Variants in SH2D6 observed in about 807,000 individuals in gnomAD.
The protein encoded by SH2D6 is SH2 domain containing 6.
In SH2D6, 31 loss-of-function variants were observed where a neutral mutation model predicts 30.2. The ratio of observed to expected loss-of-function variants is 1.03; its 90% confidence interval spans 0.77 to 1.38. SH2D6 has a LOEUF of 1.38. SH2D6 is among the 40% of genes most tolerant of loss of function. SH2D6 has a pLI of 0.00. For synonymous variants in SH2D6, 93 were observed against 104.6 expected, an observed-to-expected ratio of 0.89 and a Z score of 0.68; for missense variants, 240 against 266.8, an observed-to-expected ratio of 0.90 and a Z score of 0.70.
intron 2 of SH2D6, among the ~76,000 whole-genome samples, chr2:85,419,706 C>A (rs1179198963): frequency 6.6e-6 from 1 of 152,186 alleles, no homozygotes; most frequent in Non-Finnish European, 1.5e-5. Flanking sequence ...GAGGAAAATA[C>A]CTAGTCAATG....
intron 16 of SH2D6, 72 bp downstream of exon 16, chr2:85,433,703 C>T: frequency 1.9e-6 from 2 of 1,063,448 alleles, no homozygotes; most frequent in Non-Finnish European, 2.4e-6. Flanking sequence ...ACACACTCTC[C>T]TGGCTCCATC....
In SH2D6 at chr2:85,419,077, G is replaced by T. The variant is rs904555429; in HGVS notation, c.-744G>T. 6.6e-6 allele frequency: 1 copy of T among 152,462 alleles called. No individual in the cohort carries two copies. Among genetic ancestry groups the T allele is most frequent in the African/African-American group, 2.4e-5 (1 of 41,470 alleles). 9.4% of individuals were successfully genotyped at this position (152,462 alleles called of 1,614,324 possible). On this transcript the variant is annotated 5_prime_UTR_variant, in exon 2 of 24. Coordinates refer to ENST00000469800, the MANE Select transcript of SH2D6 (RefSeq NM_001394463.1). ...AGGAGCAGCCCAGACCCTGAGACTG[G>T]ACTAGGTCTGTTAGGGTCCCTGTGT...
chr2:85,435,363 G>A, intron 20 of SH2D6, 50 bp from the exon 21 acceptor site: 1 of 1,593,236 alleles, frequency 6.3e-7, no homozygotes. Flanking sequence ...GGCTCCGCAT[G>A]CCTGATTGAG....
Position 85,434,338 on chromosome 2 carries a change from A to C in SH2D6, c.534-2A>C. Reference sequence around the variant, plus strand: ...TTCTGTCCCCCGATTTGCTTCCCACAGGCCTACCACAGCCCCCCAGGAAAC... The same window carrying C: ...TTCTGTCCCCCGATTTGCTTCCCACCGGCCTACCACAGCCCCCCAGGAAAC... On this transcript the variant is annotated splice_acceptor_variant, in intron 17 of 23. Transcript: ENST00000469800. LOFTEE classifies it high-confidence loss of function. The C allele has an allele frequency of 6.5e-7, 1 of 1,546,048 alleles. No homozygotes were observed. The highest frequency in any genetic ancestry group is 8.7e-7 in the Non-Finnish European group (1 of 1,143,662).
rs775578573 is a variant in SH2D6 at position 85,435,649 on chromosome 2, T to C, written c.733-17T>C. 2 of 1,588,090 alleles carry C rather than the reference T, an allele frequency of 1.3e-6. No individual in the cohort carries two copies. Among genetic ancestry groups the C allele is most frequent in the African/African-American group, 1.3e-5 (1 of 74,444 alleles). ...GCCATTGGAAGATGAGGTTGATGGC[T>C]GGGGTCTCCTCCACAGGATGGGGCC... On this transcript the variant is annotated splice_polypyrimidine_tract_variant and intron_variant, in intron 21 of 23. Coordinates refer to ENST00000469800, the MANE Select transcript of SH2D6 (RefSeq NM_001394463.1).
At chr2:85,432,178 G>A (rs1688747433) in intron 14 of SH2D6, among the ~76,000 whole-genome samples, 1 of 151,128 alleles carries the variant, frequency 6.6e-6, no homozygotes, top group Non-Finnish European at 1.5e-5. Flanking sequence ...CCAGAGATAT[G>A]AAATATTGTG....
chr2:85,433,046 T>G, intron 14 of SH2D6, 53 bp from the exon 15 acceptor site: 1 of 985,888 alleles, frequency 1.0e-6, no homozygotes, highest in Non-Finnish European at 1.2e-6. Context: ...CCCGCTGAAT[T>G]CCTTTCTGCT....
chr2:85,436,398 G>A, intron 22 of SH2D6, 68 bp from the exon 23 acceptor site: 1 of 1,189,524 alleles, frequency 8.4e-7, no homozygotes, highest in Non-Finnish European at 1.3e-6. Flanking sequence ...GAGTCCCACA[G>A]TTGCCTCAGG....
In SH2D6 at chr2:85,433,743, C is replaced by G. The variant is rs954532165; in HGVS notation, c.454+112C>G. 41 of 817,652 alleles carry G rather than the reference C, an allele frequency of 5.0e-5. 1 individual carries two copies. The South Asian group carries it at 8.3e-4, about 17-fold the overall frequency. The allele number at this position is 817,652 out of a possible 1,614,324, so 50.6% of individuals were successfully genotyped here. ...TCCCTTGCTGCCTCTCACCACCCCC[C>G]ACCAACACGCATTTGCCTTCAGTCA... On this transcript the variant is annotated intron_variant, in intron 16 of 23. Coordinates refer to ENST00000469800, the MANE Select transcript of SH2D6 (RefSeq NM_001394463.1).
In SH2D6 at chr2:85,427,134, C is replaced by T. The variant is rs147340775; in HGVS notation, c.-208-1450C>T. ...TGTGTTTTCTGAGGGTGGATTAAGA[C>T]TACCTTGGGCCCATGGCCTGTTCTC... On this transcript the variant is annotated intron_variant, in intron 6 of 23. Transcript: ENST00000469800. 1.7e-3 allele frequency among the ~76,000 whole-genome samples: 255 copies of T among 152,322 alleles called. 1 individual carries two copies. The highest frequency in any genetic ancestry group is 2.8e-3 in the Non-Finnish European group (189 of 68,036).
In SH2D6 at chr2:85,435,505, C is replaced by T. The variant is rs1375312841; in HGVS notation, c.732+9C>T. Reference sequence around the variant, plus strand: ...TGCTCCACTTACAAAAGGTGGGCAGCCACGGACCCCGGGTCTTCTCCAAAA... The same window carrying T: ...TGCTCCACTTACAAAAGGTGGGCAGTCACGGACCCCGGGTCTTCTCCAAAA... On this transcript the variant is annotated intron_variant, in intron 21 of 23. Transcript: ENST00000469800. 11 of 1,612,350 alleles carry T rather than the reference C, an allele frequency of 6.8e-6. No individual in the cohort carries two copies. The highest frequency in any genetic ancestry group is 8.5e-6 in the Non-Finnish European group (10 of 1,179,350).
In SH2D6 at chr2:85,434,505, A is replaced by C. The variant is rs1436181576; in HGVS notation, c.589+8A>C. ...CAGATGCTGCCTCTAAAGGTGAGTA[A>C]AGGCTGGTCCAAAGGTAGTGAGTTA... On this transcript the variant is annotated splice_region_variant and intron_variant, in intron 19 of 23. Coordinates refer to ENST00000469800, the MANE Select transcript of SH2D6 (RefSeq NM_001394463.1). 5.8e-6 allele frequency: 9 copies of C among 1,550,246 alleles called. No homozygotes were observed. Among genetic ancestry groups the C allele is most frequent in the Non-Finnish European group, 7.8e-6 (9 of 1,146,958 alleles).
At chr2:85,434,422 A>C (rs1443243857) in intron 18 of SH2D6, 51 bp from the exon 19 acceptor site, 10 of 1,550,412 alleles carry the variant, frequency 6.4e-6, no homozygotes, top group Non-Finnish European at 8.7e-6. Context: ...AGGGAGGCTC[A>C]GGGTGGGACC....
chr2:85,434,107 C>T lies in SH2D6; in HGVS notation c.529C>T (p.Pro177Ser). The T allele has an allele frequency of 2.6e-6, 4 of 1,550,486 alleles. No individual in the cohort carries two copies. Among genetic ancestry groups the T allele is most frequent in the Non-Finnish European group, 3.5e-6 (4 of 1,146,944 alleles). ...CCCTCTGCCCAGGACATCAGTGGTG[C>T]CCAGGTAAGTGCCCCACCAGGTGTG... ...SGPLPRTSVVPRPTTAPQETR... is the reference protein window; with the variant it reads ...SGPLPRTSVVSRPTTAPQETR... The change falls in exon 17 of 24, where the codon CCC becomes TCC. Residue 177 changes from proline to serine, a missense_variant. Pro to Ser is a moderately conservative substitution (Grantham distance 74, BLOSUM62 -1). Transcript: ENST00000469800.
At chr2:85,424,076 C>G (rs778047437) in intron 5 of SH2D6, among the ~76,000 whole-genome samples, 7 of 152,252 alleles carry the variant, frequency 4.6e-5, no homozygotes, top group Non-Finnish European at 8.8e-5. Context: ...CTCCCCAGCT[C>G]CTGTCCCCCT....
chr2:85,436,448 C>A lies in SH2D6; in HGVS notation c.892-18C>A, dbSNP rs1316310224. On this transcript the variant is annotated intron_variant, in intron 22 of 23. Transcript: ENST00000469800. ...ATGAGGCTCATGGGACTCACGGATGCCCTGCCTCCCTGGCCAGCTCTTCTC... is the reference window on the plus strand; with the variant it reads ...ATGAGGCTCATGGGACTCACGGATGACCTGCCTCCCTGGCCAGCTCTTCTC... 3 of 1,603,188 alleles carry A rather than the reference C, an allele frequency of 1.9e-6. 1 individual carries two copies. In the South Asian group the frequency reaches 3.3e-5, roughly 18 times the overall value.
intron 6 of SH2D6, among the ~76,000 whole-genome samples, chr2:85,427,322 G>T (rs1688132870): frequency 6.6e-6 from 1 of 152,230 alleles, no homozygotes; most frequent in South Asian, 2.1e-4. Context: ...TCTATGGTGT[G>T]CACAGAGCAA....
At chr2:85,435,961 C>G in intron 22 of SH2D6, 137 bp downstream of exon 22, 9 of 1,240,382 alleles carry the variant, frequency 7.3e-6, no homozygotes, top group Non-Finnish European at 9.7e-6. Context: ...GCCCAGAGCC[C>G]TGAACTCCTT....
chr2:85,434,097 A>T lies in SH2D6; in HGVS notation c.519A>T (p.Thr173=), dbSNP rs1161678436. The change falls in exon 17 of 24, where the codon ACA becomes ACT. Residue 173 remains threonine (T), a synonymous_variant. Transcript: ENST00000469800. ...TGCCCTCAGGCCCTCTGCCCAGGAC[A>T]TCAGTGGTGCCCAGGTAAGTGCCCC... is the stretch of plus-strand genomic sequence containing the variant. The part of the protein sequence containing the change: ...VLMPSGPLPR[T]SVVPRPTTAP... 6.4e-7 allele frequency: 1 copy of T among 1,550,576 alleles called. No individual in the cohort carries two copies. Among genetic ancestry groups the T allele is most frequent in the South Asian group, 1.2e-5 (1 of 84,066 alleles).
Sources: gnomAD v4.1 joint callset for allele counts (sites outside exome capture counted in the v4.1 genomes callset) on GRCh38, gnomAD v4.1.1 for gene constraint, MANE v1.5 for transcripts, NCBI Gene and HGNC (gene_info 2026-07-23, HGNC 2026-07-21) for gene names.